Variants in GPR137C observed in about 807,000 individuals in gnomAD.
GPR137C encodes the protein G protein-coupled receptor 137C, also known as integral membrane protein GPR137C.
A neutral mutation model predicts 43.4 loss-of-function variants in GPR137C; 27 were observed. The ratio of observed to expected loss-of-function variants is 0.62; its 90% CI spans 0.46 to 0.86. GPR137C has a LOEUF of 0.86. Ranked by LOEUF, GPR137C falls within the 40% of genes least tolerant of loss-of-function variation. The probability of loss-of-function intolerance (pLI) is 0.00; values close to 1 mark genes in which losing one functional copy is unlikely to be tolerated. For synonymous variants in GPR137C, 285 were observed against 226.9 expected (o/e 1.26, Z -2.30); for missense variants, 522 against 534.6 (o/e 0.98, Z 0.23).
chr14:52,596,432 GC>G (rs1391671735), intron 1 of GPR137C, among the ~76,000 whole-genome samples: 1 of 152,262 alleles, frequency 6.6e-6, no homozygotes, highest in Non-Finnish European at 1.5e-5. Flanking sequence ...CACAGAGGTG[GC>G]GTCTAGCGAG....
chr14:52,592,455 A>G (rs964114071), intron 1 of GPR137C, among the ~76,000 whole-genome samples: 51 of 152,100 alleles, frequency 3.4e-4, no homozygotes, highest in African/African-American at 1.2e-3. Context: ...GCTTCTTCCT[A>G]TCCATGAGCA....
intron 3 of GPR137C, among the ~76,000 whole-genome samples, chr14:52,618,498 A>G (rs950061724): frequency 7.9e-5 from 12 of 152,192 alleles, no homozygotes; most frequent in African/African-American, 2.6e-4. Flanking sequence ...TCCATTTATT[A>G]CCATGATTGT....
At chr14:52,564,590 A>G (rs1235645570) in intron 1 of GPR137C, among the ~76,000 whole-genome samples, 1 of 152,108 alleles carries the variant, frequency 6.6e-6, no homozygotes, top group African/African-American at 2.4e-5. Flanking sequence ...CAACTACTCA[A>G]GTTAGATTCC....
chr14:52,555,696 A>G (rs2038182230), intron 1 of GPR137C, among the ~76,000 whole-genome samples: 1 of 152,212 alleles, frequency 6.6e-6, no homozygotes, highest in African/African-American at 2.4e-5. Flanking sequence ...ATTAACCTGA[A>G]AAATACAATT....
chr14:52,578,342 C>T (rs980178965), intron 1 of GPR137C, among the ~76,000 whole-genome samples: 1 of 151,954 alleles, frequency 6.6e-6, no homozygotes, highest in East Asian at 1.9e-4. Flanking sequence ...TTTTTCTTTT[C>T]TTTCCTATTT....
At chr14:52,563,422 T>C (rs183577908) in intron 1 of GPR137C, among the ~76,000 whole-genome samples, 29 of 152,278 alleles carry the variant, frequency 1.9e-4, no homozygotes, top group South Asian at 6.2e-4. Flanking sequence ...CTTCATGGTA[T>C]CTGATGCACT....
intron 1 of GPR137C, among the ~76,000 whole-genome samples, chr14:52,595,245 T>G (rs919041309): frequency 6.6e-6 from 1 of 152,198 alleles, no homozygotes; most frequent in Non-Finnish European, 1.5e-5. Flanking sequence ...CTGGCTGCCC[T>G]TAACATTTTT....
At position 52,553,133 on chromosome 14, in the gene GPR137C, GC is replaced by G; in HGVS notation, c.-10del. 4.3e-6 allele frequency: 5 copies of G among 1,162,500 alleles called. No homozygotes were observed. Among genetic ancestry groups the G allele is most frequent in the Non-Finnish European group, 4.2e-6 (4 of 944,888 alleles). The allele number at this position is 1,162,500 out of a possible 1,614,324, so 72.0% of individuals were successfully genotyped here. The stretch of plus-strand genomic sequence containing the variant: ...CTTCCTTCCCGCGCTCGCTCGCCCG[GC>G]CCCCAGCCCCCTCATGAGGGTGTCC... On this transcript the variant is annotated 5_prime_UTR_variant, in exon 1 of 7. Coordinates refer to ENST00000321662, the MANE Select transcript of GPR137C (RefSeq NM_001099652.2).
At chr14:52,598,246 A>ATT in intron 1 of GPR137C, 26 bp from the exon 2 acceptor site, 23 of 985,394 alleles carry the variant, frequency 2.3e-5, no homozygotes, top group Admixed American at 6.4e-5. Context: ...CGTTTTCAAA[A>ATT]TTTTTTTTTT....
intron 3 of GPR137C, among the ~76,000 whole-genome samples, chr14:52,630,077 T>G (rs1050492194): frequency 6.6e-6 from 1 of 152,200 alleles, no homozygotes; most frequent in African/African-American, 2.4e-5. Context: ...TTTTTCATTT[T>G]GTAATCCTGT....
At chr14:52,599,989 T>C in intron 2 of GPR137C, 124 bp from the exon 3 acceptor site, 2 of 653,060 alleles carry the variant, frequency 3.1e-6, no homozygotes, top group Non-Finnish European at 5.2e-6. Context: ...TGCTTAAAAA[T>C]CTATGCCATT....
intron 3 of GPR137C, among the ~76,000 whole-genome samples, chr14:52,616,543 C>G (rs2039101411): frequency 6.6e-6 from 1 of 152,216 alleles, no homozygotes; most frequent in Admixed American, 6.5e-5. Flanking sequence ...ATCCGCCTGC[C>G]TCAGCCTCCC....
At chr14:52,633,719 G>A in intron 5 of GPR137C, 64 bp downstream of exon 5, 1 of 1,573,972 alleles carries the variant, frequency 6.4e-7, no homozygotes, top group African/African-American at 1.4e-5. Flanking sequence ...CATTTATATT[G>A]ATTTTCTATT....
chr14:52,634,444 C>T (rs934680361), intron 6 of GPR137C, among the ~76,000 whole-genome samples: 1 of 152,044 alleles, frequency 6.6e-6, no homozygotes, highest in Non-Finnish European at 1.5e-5. Context: ...TGGCTGAAGC[C>T]ATGAAGCATA....
At chr14:52,616,617 A>G (rs1055229145) in intron 3 of GPR137C, among the ~76,000 whole-genome samples, 2 of 152,280 alleles carry the variant, frequency 1.3e-5, no homozygotes, top group African/African-American at 4.8e-5. Flanking sequence ...CGTCTTCCAC[A>G]TGAAATTATA....
chr14:52,604,773 C>T (rs2038966157), intron 3 of GPR137C, among the ~76,000 whole-genome samples: 1 of 152,112 alleles, frequency 6.6e-6, no homozygotes, highest in Non-Finnish European at 1.5e-5. Flanking sequence ...AATTCCTCTG[C>T]ATATGGATAA....
intron 3 of GPR137C, among the ~76,000 whole-genome samples, chr14:52,626,351 G>T (rs368918602): frequency 1.3e-5 from 2 of 151,802 alleles, no homozygotes; most frequent in African/African-American, 4.8e-5. Flanking sequence ...GGAATGCAGC[G>T]AGAATCAGTG....
chr14:52,625,481 CAAAAAAA>C lies in GPR137C; in HGVS notation c.718-6671_718-6665del, dbSNP rs531582064. On this transcript the variant is annotated intron_variant, in intron 3 of 6. Transcript: ENST00000321662. ...TGGGTGACAGAGTGAGACTCCATCC[CAAAAAAA>C]AAAAAAAGAAAAAGAAAAGAAAATA... Among the ~76,000 whole-genome samples the C allele has an allele frequency of 1.8e-4, 8 of 44,804 alleles. No individual in the cohort carries two copies. In the East Asian group the frequency reaches 4.6e-3, roughly 26 times the overall value. 29.4% of individuals were successfully genotyped at this position (44,804 alleles called of 152,430 possible).
At chr14:52,629,941 G>T (rs1343266204) in intron 3 of GPR137C, among the ~76,000 whole-genome samples, 2 of 152,184 alleles carry the variant, frequency 1.3e-5, no homozygotes, top group Non-Finnish European at 2.9e-5. Context: ...GTATGTAGGT[G>T]TCAGAGACCG....
Sources: gnomAD v4.1 joint callset for allele counts (sites outside exome capture counted in the v4.1 genomes callset) on GRCh38, gnomAD v4.1.1 for gene constraint, MANE v1.5 for transcripts, NCBI Gene and HGNC (gene_info 2026-07-23, HGNC 2026-07-21) for gene names.